Variants in WDHD1 observed in about 807,000 individuals in gnomAD.
The protein encoded by WDHD1 is WD repeat and HMG-box DNA-binding protein 1.
WDHD1 carries 111 observed loss-of-function variants against 135.4 expected under a neutral mutation model. That is an observed-to-expected ratio of 0.82 (90% CI 0.70 to 0.96). The LOEUF (loss-of-function observed/expected upper bound fraction) is 0.96. Among genes scored for constraint, WDHD1 ranks in the 40% least tolerant of loss-of-function variants. The pLI is 0.00. For missense variants in WDHD1, 1,351 were observed against 1,336.3 expected, an observed-to-expected ratio of 1.01 and a Z score of -0.17; for synonymous variants, 434 against 439.0, an observed-to-expected ratio of 0.99 and a Z score of 0.14.
chr14:54,950,257 T>A (rs1303626864), intron 24 of WDHD1, among the ~76,000 whole-genome samples: 2 of 152,204 alleles, frequency 1.3e-5, no homozygotes, highest in Non-Finnish European at 2.9e-5. Flanking sequence ...CCATGTCATG[T>A]GCAGAGACAC....
chr14:55,026,916 TC>T, intron 1 of WDHD1, 111 bp downstream of exon 1: 1 of 976,370 alleles, frequency 1.0e-6, no homozygotes, highest in Non-Finnish European at 1.6e-6. Context: ...CAGCCCGGTT[TC>T]CCCCACCCGA....
chr14:54,981,500 T>C, intron 16 of WDHD1, 40 bp downstream of exon 16: 1 of 1,589,308 alleles, frequency 6.3e-7, no homozygotes, highest in Non-Finnish European at 8.5e-7. Context: ...CAACATACTT[T>C]TTAAAAAGAG....
intron 15 of WDHD1, among the ~76,000 whole-genome samples, chr14:54,981,976 T>C (rs1303695662): frequency 6.6e-6 from 1 of 151,904 alleles, no homozygotes; most frequent in Non-Finnish European, 1.5e-5. Context: ...TGCTGGAAGA[T>C]AATAATAATT....
intron 2 of WDHD1, among the ~76,000 whole-genome samples, chr14:55,017,064 G>C (rs1167405094): frequency 6.6e-6 from 1 of 152,168 alleles, no homozygotes; most frequent in Non-Finnish European, 1.5e-5. Context: ...TGGAAACAAA[G>C]TAAATCTTCT....
Position 54,983,300 on chromosome 14 carries a change from G to C in WDHD1, c.1906+1423C>G, listed in dbSNP as rs149290095. On this transcript the variant is annotated intron_variant, in intron 15 of 25. Coordinates refer to ENST00000360586, the MANE Select transcript of WDHD1 (RefSeq NM_007086.4). ...AAGAAATATCATGTGAGCCACAAGT[G>C]TAATTTTTAATTTCCTAGTGCCACA... Among the ~76,000 whole-genome samples the C allele has an allele frequency of 5.3e-3, 806 of 152,046 alleles. 10 individuals carry two copies. Among genetic ancestry groups the C allele is most frequent in the African/African-American group, 0.018 (762 of 41,468 alleles).
At chr14:54,969,949 C>T (rs2041404819) in intron 16 of WDHD1, among the ~76,000 whole-genome samples, 1 of 152,118 alleles carries the variant, frequency 6.6e-6, no homozygotes, top group Non-Finnish European at 1.5e-5. Context: ...AAACAAAAAC[C>T]ACATGATCAT....
At chr14:55,009,919 C>T (rs1259131991) in intron 4 of WDHD1, among the ~76,000 whole-genome samples, 1 of 152,038 alleles carries the variant, frequency 6.6e-6, no homozygotes, top group Non-Finnish European at 1.5e-5. Context: ...CTCCTAGGTT[C>T]AAGTGATTCT....
At chr14:54,954,403 G>A (rs531668501) in intron 24 of WDHD1, among the ~76,000 whole-genome samples, 1 of 152,318 alleles carries the variant, frequency 6.6e-6, no homozygotes, top group East Asian at 1.9e-4. Flanking sequence ...TATTGCTAAA[G>A]GTGTATAAAA....
chr14:54,965,263 T>C (rs891506277), intron 18 of WDHD1, among the ~76,000 whole-genome samples: 2 of 152,160 alleles, frequency 1.3e-5, no homozygotes, highest in African/African-American at 2.4e-5. Context: ...AAAGAAGAAA[T>C]GATACTATAC....
At chr14:54,998,878 A>C (rs1224311678) in intron 10 of WDHD1, among the ~76,000 whole-genome samples, 1 of 152,200 alleles carries the variant, frequency 6.6e-6, no homozygotes, top group Non-Finnish European at 1.5e-5. Flanking sequence ...AATAGCCAAC[A>C]CTTATAAAGT....
chr14:54,956,978 T>A, intron 23 of WDHD1, 56 bp downstream of exon 23: 5 of 1,565,250 alleles, frequency 3.2e-6, no homozygotes, highest in Non-Finnish European at 3.5e-6. Context: ...TGAACAAAAC[T>A]GAAGACAAAC....
intron 7 of WDHD1, among the ~76,000 whole-genome samples, chr14:55,004,644 G>A (rs1330807924): frequency 6.6e-6 from 1 of 152,166 alleles, no homozygotes; most frequent in Non-Finnish European, 1.5e-5. Context: ...GTAGAGACAG[G>A]GTTTCGCCAT....
intron 24 of WDHD1, among the ~76,000 whole-genome samples, chr14:54,948,428 C>G (rs2040972743): frequency 6.6e-6 from 1 of 152,146 alleles, no homozygotes; most frequent in African/African-American, 2.4e-5. Flanking sequence ...TCAGAGGGTC[C>G]CATGCCCATG....
chr14:54,973,214 A>G (rs1595081850), intron 16 of WDHD1, among the ~76,000 whole-genome samples: 1 of 152,204 alleles, frequency 6.6e-6, no homozygotes, highest in East Asian at 1.9e-4. Context: ...CACTTAATTT[A>G]TAGTATAGCC....
At chr14:55,005,293 C>T (rs2140218755) in intron 7 of WDHD1, 1 of 547,780 alleles carries the variant, frequency 1.8e-6, no homozygotes, top group Non-Finnish European at 3.6e-6. Flanking sequence ...CTGTGAGAGG[C>T]TGGTGATCAG....
At chr14:55,007,826 T>C (rs2042097934) in intron 6 of WDHD1, among the ~76,000 whole-genome samples, 1 of 152,228 alleles carries the variant, frequency 6.6e-6, no homozygotes, top group South Asian at 2.1e-4. Flanking sequence ...ATATTCTCTC[T>C]AGAAATGCCA....
chr14:54,957,358 G>A (rs756029375), intron 22 of WDHD1, among the ~76,000 whole-genome samples, 154 bp from the exon 23 acceptor site: 4 of 152,066 alleles, frequency 2.6e-5, no homozygotes, highest in South Asian at 2.1e-4. Flanking sequence ...AGAATGATAC[G>A]TATATTCCCA....
chr14:54,968,536 C>A, intron 16 of WDHD1, among the ~76,000 whole-genome samples: 1 of 151,910 alleles, frequency 6.6e-6, no homozygotes, highest in East Asian at 1.9e-4. Flanking sequence ...AAAATTGAGA[C>A]TAAAGAATCC....
At chr14:54,945,547 T>C (rs534690014) in intron 24 of WDHD1, among the ~76,000 whole-genome samples, 1 of 152,284 alleles carries the variant, frequency 6.6e-6, no homozygotes, top group Admixed American at 6.5e-5. Context: ...CCAAAGTCTA[T>C]GTTTTTTTGT....
Sources: gnomAD v4.1 joint callset for allele counts (sites outside exome capture counted in the v4.1 genomes callset) on GRCh38, gnomAD v4.1.1 for gene constraint, MANE v1.5 for transcripts, NCBI Gene and HGNC (gene_info 2026-07-23, HGNC 2026-07-21) for gene names.